The following HK2 variants were observed in gnomAD, a reference collection of about 807,000 sequenced individuals.
HK2 encodes the protein hexokinase-2.
In HK2, 42 loss-of-function variants were observed where a neutral mutation model predicts 92.9. The observed-to-expected ratio is 0.45, with a 90% confidence interval of 0.35 to 0.58. HK2 has a LOEUF of 0.58. Ranked by LOEUF, HK2 falls within the 20% of genes least tolerant of loss-of-function variation. The pLI is 0.00. For missense variants in HK2, 978 were observed against 1,245.1 expected (o/e 0.79, Z 3.23); for synonymous variants, 422 against 468.0 (o/e 0.90, Z 1.27).
intron 11 of HK2, 118 bp downstream of exon 11, chr2:74,881,977 G>A: frequency 7.0e-7 from 1 of 1,418,460 alleles, no homozygotes; most frequent in Non-Finnish European, 9.9e-7. Context: ...ACCCAGGGCT[G>A]CAGCCTGGTC....
At chr2:74,859,921 C>A (rs976119760) in intron 2 of HK2, among the ~76,000 whole-genome samples, 1 of 152,002 alleles carries the variant, frequency 6.6e-6, no homozygotes, top group African/African-American at 2.4e-5. Context: ...GAGTCGATGC[C>A]CATCAATGGA....
rs539443855 is a variant in HK2 at position 74,888,127 on chromosome 2, G to T, written c.2375+69G>T. 83 of 1,530,412 alleles carry T rather than the reference G, an allele frequency of 5.4e-5. No homozygotes were observed. The South Asian group carries it at 8.1e-4, about 15-fold the overall frequency. 94.8% of individuals were successfully genotyped at this position (1,530,412 alleles called of 1,614,324 possible). ...TTTCTCACTGGCAGACAAACTGAAG[G>T]ATTTCCATAACTCAGGGCATGACTC... On this transcript the variant is annotated intron_variant, in intron 16 of 17. Coordinates refer to ENST00000290573, the MANE Select transcript of HK2 (RefSeq NM_000189.5).
intron 2 of HK2, among the ~76,000 whole-genome samples, chr2:74,860,980 A>T (rs1190400579): frequency 6.6e-6 from 1 of 152,172 alleles, no homozygotes; most frequent in African/African-American, 2.4e-5. Context: ...TAGGAAACAC[A>T]CCATCTTGAC....
rs368512271 is a variant in HK2, at chr2:74,886,485, G to C, written c.2036-5G>C. The C allele has an allele frequency of 6.2e-7, 1 of 1,614,070 alleles. No homozygotes were observed. Among genetic ancestry groups the C allele is most frequent in the Non-Finnish European group, 8.5e-7 (1 of 1,179,984 alleles). ...AGTGAGGCCCTGGTATCCTGTGATT[G>C]GCAGGCACGGGCAGCAATGCCTGCT... On this transcript the variant is annotated splice_region_variant and splice_polypyrimidine_tract_variant and intron_variant, in intron 14 of 17. Transcript: ENST00000290573.
chr2:74,879,438 C>T (rs1027710859), intron 9 of HK2, among the ~76,000 whole-genome samples: 1 of 152,196 alleles, frequency 6.6e-6, no homozygotes, highest in Non-Finnish European at 1.5e-5. Flanking sequence ...CCATCATTTT[C>T]ACCTAATAAG....
intron 12 of HK2, among the ~76,000 whole-genome samples, chr2:74,883,499 C>A (rs890987785): frequency 6.6e-6 from 1 of 152,170 alleles, no homozygotes; most frequent in Non-Finnish European, 1.5e-5. Context: ...GCTGGGCCAG[C>A]GCAGAAGAGC....
rs116809057 is a variant in HK2, at chr2:74,875,837, C to T, written c.876-1329C>T. ...AAGTCATTCCGAGGAACTAAAGGCCCTTTCAAATGTCAAAAGACAAATTTG... is the reference window on the plus strand; with the variant it reads ...AAGTCATTCCGAGGAACTAAAGGCCTTTTCAAATGTCAAAAGACAAATTTG... On this transcript the variant is annotated intron_variant, in intron 7 of 17. Transcript: ENST00000290573. Among the ~76,000 whole-genome samples, 1,025 of 152,280 alleles carry T rather than the reference C, an allele frequency of 6.7e-3. 10 individuals are homozygous for T. The highest frequency in any genetic ancestry group is 0.022 in the African/African-American group (915 of 41,538).
Position 74,886,404 on chromosome 2 carries a change from A to G in HK2, c.2035+11A>G. On this transcript the variant is annotated intron_variant, in intron 14 of 17. Coordinates refer to ENST00000290573, the MANE Select transcript of HK2 (RefSeq NM_000189.5). ...TTGGCCTCATTGTTGGTAAGGACCC[A>G]GACTGTCCTTTCCACATGGGGATGC... is the stretch of plus-strand genomic sequence containing the variant. 6.2e-7 allele frequency: 1 copy of G among 1,613,584 alleles called. No individual in the cohort carries two copies. The highest frequency in any genetic ancestry group is 8.5e-7 in the Non-Finnish European group (1 of 1,179,470).
chr2:74,837,766 C>T (rs1413776763), intron 1 of HK2, among the ~76,000 whole-genome samples: 5 of 150,970 alleles, frequency 3.3e-5, no homozygotes, highest in African/African-American at 1.2e-4. Context: ...ACCTCTGCCT[C>T]CCAGGTTCAA....
intron 2 of HK2, among the ~76,000 whole-genome samples, chr2:74,863,217 G>C (rs1688871500): frequency 1.3e-5 from 2 of 152,026 alleles, no homozygotes; most frequent in Admixed American, 1.3e-4. Flanking sequence ...CCAGTCATGT[G>C]TTTTACGTGT....
At chr2:74,852,123 G>C (rs1688585229) in intron 1 of HK2, among the ~76,000 whole-genome samples, 1 of 152,230 alleles carries the variant, frequency 6.6e-6, no homozygotes, top group Non-Finnish European at 1.5e-5. Flanking sequence ...ACTAATGGGA[G>C]CAAACCCGGA....
At chr2:74,837,608 A>G (rs983244340) in intron 1 of HK2, among the ~76,000 whole-genome samples, 1 of 149,566 alleles carries the variant, frequency 6.7e-6, no homozygotes, top group African/African-American at 2.5e-5. Flanking sequence ...GCTTAGCCTC[A>G]TCTTCCTCTC....
At chr2:74,839,823 A>T (rs1688259557) in intron 1 of HK2, among the ~76,000 whole-genome samples, 1 of 137,140 alleles carries the variant, frequency 7.3e-6, no homozygotes, top group African/African-American at 2.5e-5. Context: ...ATGCCCAGCT[A>T]ATTTTTTTTT....
At chr2:74,852,905 G>T (rs1192793820) in intron 1 of HK2, among the ~76,000 whole-genome samples, 1 of 152,190 alleles carries the variant, frequency 6.6e-6, no homozygotes, top group East Asian at 1.9e-4. Context: ...GGTATGCAAA[G>T]GTGAACAAGC....
At chr2:74,836,932 G>C (rs180711485) in intron 1 of HK2, among the ~76,000 whole-genome samples, 31 of 152,300 alleles carry the variant, frequency 2.0e-4, no homozygotes, top group African/African-American at 7.2e-4. Flanking sequence ...TGAGGACGTG[G>C]AAGGCTTGGG....
At chr2:74,849,955 G>T (rs1558789971) in intron 1 of HK2, among the ~76,000 whole-genome samples, 1 of 152,228 alleles carries the variant, frequency 6.6e-6, no homozygotes, top group Non-Finnish European at 1.5e-5. Context: ...ATAGTATCCA[G>T]AAACTTACAT....
intron 17 of HK2, 125 bp downstream of exon 17, chr2:74,889,603 A>C: frequency 2.6e-6 from 2 of 760,694 alleles, no homozygotes; most frequent in Non-Finnish European, 4.6e-6. Context: ...TGTATATAAT[A>C]CATGGATTAT....
rs1688092506 is a variant in HK2 at position 74,834,276 on chromosome 2, C to T, written c.-305C>T. The T allele has an allele frequency of 5.2e-5, 25 of 482,194 alleles. 1 individual carries two copies. The highest frequency in any genetic ancestry group is 4.9e-4 in the South Asian group (24 of 49,154). The allele number at this position is 482,194 out of a possible 1,614,324, so 29.9% of individuals were successfully genotyped here. On this transcript the variant is annotated 5_prime_UTR_variant, in exon 1 of 18. Transcript: ENST00000290573. This position sits in a 1 kb window ranked among gnomAD's most constrained non-coding sequence, Gnocchi z 4.2. ...AGTGGAGCCGGGCTGAGATTCTTCT[C>T]AAGTTGAGCCTCAGTGATCCTGTGG...
At chr2:74,868,446 A>G (rs1451001153) in intron 3 of HK2, among the ~76,000 whole-genome samples, 1 of 152,194 alleles carries the variant, frequency 6.6e-6, no homozygotes, top group African/African-American at 2.4e-5. Flanking sequence ...GGCAAGTGAT[A>G]GACCTCAGTT....
Sources: allele counts gnomAD v4.1 joint callset (sites outside exome capture counted in the v4.1 genomes callset), GRCh38; gene constraint gnomAD v4.1.1; non-coding constraint Gnocchi (gnomAD v3.1); transcripts MANE v1.5; gene names NCBI Gene and HGNC (gene_info 2026-07-23, HGNC 2026-07-21).